The following RABL2A variants were observed in gnomAD, a reference collection of about 807,000 sequenced individuals.
RABL2A encodes RAB, member of RAS oncogene family like 2A.
A neutral mutation model predicts 30.7 loss-of-function variants in RABL2A; 17 were observed. That is an observed-to-expected ratio of 0.55 (90% CI 0.38 to 0.83). The LOEUF (loss-of-function observed/expected upper bound fraction) is 0.83. Among genes scored for constraint, RABL2A ranks in the 40% least tolerant of loss-of-function variants. The pLI is 0.00. For missense variants in RABL2A, 155 were observed against 272.6 expected, an observed-to-expected ratio of 0.57 and a Z score of 3.04; for synonymous variants, 64 against 101.8, an observed-to-expected ratio of 0.63 and a Z score of 2.24.
intron 3 of RABL2A, 179 bp from the exon 4 acceptor site, chr2:113,633,974 G>A: frequency 7.2e-7 from 1 of 1,384,486 alleles, no homozygotes; most frequent in Non-Finnish European, 9.7e-7. Context: ...CTTCCATGGA[G>A]CTTGTACCAG....
Position 113,641,413 on chromosome 2 carries a change from A to G in RABL2A, c.470A>G (p.Tyr157Cys), listed in dbSNP as rs1685117369. ...NFAKKFSLPL[Y>C]FVSAADGTNV... The stretch of plus-strand genomic sequence containing the variant: ...GCCAAGAAGTTCTCCCTGCCCCTGT[A>G]TTTCGTCTCGGCTGCTGATGGTACC... The change falls in exon 7 of 9, where the codon TAT becomes TGT. Residue 157 changes from tyrosine to cysteine, a missense_variant. By Grantham distance (194) the Tyr-to-Cys change is radical. Coordinates refer to ENST00000683472, the MANE Select transcript of RABL2A (RefSeq NM_001306158.2). 6.2e-6 allele frequency: 10 copies of G among 1,610,252 alleles called. No individual in the cohort carries two copies. The highest frequency in any genetic ancestry group is 8.5e-6 in the Non-Finnish European group (10 of 1,178,296).
chr2:113,637,974 G>C, intron 5 of RABL2A: 3 of 985,358 alleles, frequency 3.0e-6, no homozygotes, highest in Non-Finnish European at 3.6e-6. Context: ...CTGACCACAC[G>C]GGGAGCTGAG....
rs1304384807 is a variant in RABL2A, at chr2:113,643,057, C to T, written c.*928C>T. Reference sequence around the variant, plus strand: ...CAGGAACAGCAGGTGACAGGCCTAGCTATAGTTAGGAATACACAAGCGGTA... The same window carrying T: ...CAGGAACAGCAGGTGACAGGCCTAGTTATAGTTAGGAATACACAAGCGGTA... On this transcript the variant is annotated 3_prime_UTR_variant, in exon 9 of 9. Transcript: ENST00000683472. 4.6e-6 allele frequency: 2 copies of T among 437,112 alleles called. No individual in the cohort carries two copies. Among genetic ancestry groups the T allele is most frequent in the Non-Finnish European group, 9.1e-6 (2 of 220,390 alleles). 27.1% of individuals were successfully genotyped at this position (437,112 alleles called of 1,614,324 possible).
At chr2:113,629,536 A>ATT (rs796575829) in intron 2 of RABL2A, among the ~76,000 whole-genome samples, 13 of 141,082 alleles carry the variant, frequency 9.2e-5, no homozygotes, top group African/African-American at 1.6e-4. Context: ...CTGGTTTAGA[A>ATT]TTTTTTTTTT....
At chr2:113,635,232 T>G in intron 5 of RABL2A, 102 bp downstream of exon 5, 6 of 1,221,520 alleles carry the variant, frequency 4.9e-6, no homozygotes, top group Non-Finnish European at 7.1e-6. Context: ...CTGGGTGTTG[T>G]GGGAGGGGGG....
chr2:113,638,047 A>G (rs901941454), intron 5 of RABL2A: 1 of 985,440 alleles, frequency 1.0e-6, no homozygotes, highest in Non-Finnish European at 1.2e-6. Flanking sequence ...GATGCTCCTC[A>G]TTCTAGCCAG....
At chr2:113,638,304 C>T (rs572367181) in intron 5 of RABL2A, 20 of 985,444 alleles carry the variant, frequency 2.0e-5, no homozygotes, top group South Asian at 9.4e-5. Flanking sequence ...CCACACAGGG[C>T]GAGCCCCTAG....
chr2:113,638,431 A>C (rs1348270169), intron 5 of RABL2A: 1 of 985,272 alleles, frequency 1.0e-6, no homozygotes, highest in East Asian at 1.1e-4. Context: ...TGACTGTTGT[A>C]CTAGGGCAGT....
At position 113,640,899 on chromosome 2, in the gene RABL2A, T is replaced by C. The variant is rs1376736701; in HGVS notation, c.303T>C (p.Phe101=). ...TCTTCCTCTGCCCTTTGCAGGTGTT[T>C]GATATACAGAGGAAAGTCACCTATA... ...YHKAHACIMV[F]DIQRKVTYRN... is the part of the protein sequence containing the mutation. Residue 101 remains phenylalanine (F), a synonymous_variant, in exon 6 of 9, where the codon TTT becomes TTC. Coordinates refer to ENST00000683472, the MANE Select transcript of RABL2A (RefSeq NM_001306158.2). 6.2e-7 allele frequency: 1 copy of C among 1,613,900 alleles called. No homozygotes were observed. The highest frequency in any genetic ancestry group is 1.3e-5 in the African/African-American group (1 of 75,008).
chr2:113,628,845 T>A, intron 2 of RABL2A, 132 bp downstream of exon 2: 1 of 1,506,824 alleles, frequency 6.6e-7, no homozygotes, highest in South Asian at 1.2e-5. Flanking sequence ...GCCCAGATGT[T>A]CATGGGGGAA....
chr2:113,637,204 T>A (rs1307483823), intron 5 of RABL2A: 1 of 194,816 alleles, frequency 5.1e-6, no homozygotes, highest in African/African-American at 2.4e-5. Context: ...GTTCTGCTCA[T>A]TGTCACCTGC....
intron 2 of RABL2A, among the ~76,000 whole-genome samples, chr2:113,630,786 C>T (rs1680014414): frequency 6.6e-6 from 1 of 152,196 alleles, no homozygotes; most frequent in Non-Finnish European, 1.5e-5. Context: ...TTTGCTCCTG[C>T]ACATGCCACC....
At chr2:113,633,894 A>G (rs1681425239) in intron 3 of RABL2A, 5 of 593,320 alleles carry the variant, frequency 8.4e-6, no homozygotes, top group South Asian at 6.8e-5. Flanking sequence ...TTGTCTGTAA[A>G]ATCCTGTTCT....
Position 113,638,594 on chromosome 2 carries a change from G to A in RABL2A, c.298-2300G>A, listed in dbSNP as rs151138005. On this transcript the variant is annotated intron_variant, in intron 5 of 8. Coordinates refer to ENST00000683472, the MANE Select transcript of RABL2A (RefSeq NM_001306158.2). ...TAAAATAGGTAGAAACAGGCTGGGC[G>A]CGGTGACTCATGCCTTTAATCCCAG... 4,123 of 976,466 alleles carry A rather than the reference G, an allele frequency of 4.2e-3. 133 individuals are homozygous for A. In the African/African-American group the frequency reaches 0.063, roughly 15 times the overall value. The allele number at this position is 976,466 out of a possible 1,614,324, so 60.5% of individuals were successfully genotyped here.
rs991960050 is a variant in RABL2A, at chr2:113,636,478, C to G, written c.297+1348C>G. 2.0e-5 allele frequency among the ~76,000 whole-genome samples: 3 copies of G among 152,202 alleles called. No homozygotes were observed. The South Asian group carries it at 6.2e-4, about 31-fold the overall frequency. Reference sequence around the variant, plus strand: ...AGTTGGGCTGATTTGGGTTTGCTCACAGAGTATCAGCCAAGATCCCAAGAT... The same window carrying G: ...AGTTGGGCTGATTTGGGTTTGCTCAGAGAGTATCAGCCAAGATCCCAAGAT... On this transcript the variant is annotated intron_variant, in intron 5 of 8. Transcript: ENST00000683472.
intron 2 of RABL2A, among the ~76,000 whole-genome samples, chr2:113,631,385 C>T (rs1474670288): frequency 2.6e-5 from 4 of 152,012 alleles, no homozygotes; most frequent in Admixed American, 2.0e-4. Flanking sequence ...GGTGTGAGTA[C>T]AGACTAGAGT....
At chr2:113,635,879 G>T (rs1158524732) in intron 5 of RABL2A, among the ~76,000 whole-genome samples, 3 of 149,786 alleles carry the variant, frequency 2.0e-5, no homozygotes, top group Non-Finnish European at 4.4e-5. Flanking sequence ...GGCCAAGATG[G>T]GTGGATCACC....
chr2:113,640,600 C>T (rs956672089), intron 5 of RABL2A: 1 of 378,492 alleles, frequency 2.6e-6, no homozygotes, highest in African/African-American at 2.1e-5. Context: ...TGGTCTCAAA[C>T]TCCTGACCTC....
chr2:113,631,899 G>A (rs1223839727), intron 2 of RABL2A, among the ~76,000 whole-genome samples: 2 of 151,812 alleles, frequency 1.3e-5, no homozygotes, highest in Non-Finnish European at 2.9e-5. Context: ...ATTTCTTTGT[G>A]TAATTTTCTA....
Sources: gnomAD v4.1 joint callset for allele counts (sites outside exome capture counted in the v4.1 genomes callset) on GRCh38, gnomAD v4.1.1 for gene constraint, MANE v1.5 for transcripts, NCBI Gene and HGNC (gene_info 2026-07-23, HGNC 2026-07-21) for gene names.